Variants in CFAP90 observed in about 807,000 individuals in gnomAD.
CFAP90 encodes cilia and flagella associated protein 90.
the CFAP90 span, among the ~76,000 whole-genome samples, chr5:7,846,085 C>T: frequency 6.6e-6 from 1 of 152,020 alleles, no homozygotes; most frequent in Admixed American, 6.6e-5. Flanking sequence ...ATTGGGCTTA[C>T]TATGTGCTAC....
the CFAP90 span, among the ~76,000 whole-genome samples, chr5:7,846,871 C>T: frequency 6.6e-6 from 1 of 152,194 alleles, no homozygotes; most frequent in South Asian, 2.1e-4. Flanking sequence ...CTCAGCCTCC[C>T]GAGTAGCTGA....
the CFAP90 span, chr5:7,830,525 C>A: frequency 2.6e-5 from 4 of 152,062 alleles, no homozygotes; most frequent in African/African-American, 9.7e-5. Context: ...GTATAATGCA[C>A]CCAAAGGCAT....
At chr5:7,843,813 A>G in the CFAP90 span, among the ~76,000 whole-genome samples, 1 of 152,190 alleles carries the variant, frequency 6.6e-6, no homozygotes. Context: ...GGTGATTTTG[A>G]AAAACTAAGA....
At chr5:7,841,877 G>A in the CFAP90 span, among the ~76,000 whole-genome samples, 2 of 152,132 alleles carry the variant, frequency 1.3e-5, no homozygotes, top group African/African-American at 4.8e-5. Context: ...GTTAATGGAT[G>A]CTGGGCTTAC....
At chr5:7,833,763 T>C in the CFAP90 span, among the ~76,000 whole-genome samples, 2 of 152,220 alleles carry the variant, frequency 1.3e-5, no homozygotes, top group Admixed American at 6.5e-5. Context: ...AAGGTTATAA[T>C]ATTAAGTTGG....
the CFAP90 span, chr5:7,832,073 G>A: frequency 6.6e-5 from 103 of 1,570,200 alleles, no homozygotes; most frequent in East Asian, 1.7e-3. Flanking sequence ...CACTGCATTC[G>A]CCAGCACAGC....
chr5:7,835,521 A>C, the CFAP90 span: 1 of 1,387,578 alleles, frequency 7.2e-7, no homozygotes, highest in African/African-American at 1.4e-5. Flanking sequence ...AGAGAAAGAA[A>C]GCCATGGGTT....
the CFAP90 span, among the ~76,000 whole-genome samples, chr5:7,836,732 C>G: frequency 6.6e-6 from 1 of 152,290 alleles, no homozygotes; most frequent in African/African-American, 2.4e-5. Context: ...CTTCCCATGA[C>G]ATGAATGCAG....
At chr5:7,833,419 C>T in the CFAP90 span, among the ~76,000 whole-genome samples, 1 of 151,932 alleles carries the variant, frequency 6.6e-6, no homozygotes, top group African/African-American at 2.4e-5. Flanking sequence ...TATATGCATG[C>T]ATCTATACAC....
the CFAP90 span, among the ~76,000 whole-genome samples, chr5:7,834,759 C>T: frequency 6.6e-6 from 1 of 152,118 alleles, no homozygotes; most frequent in South Asian, 2.1e-4. Context: ...TTATACATAA[C>T]ACACTGTACA....
At chr5:7,845,166 G>A in the CFAP90 span, among the ~76,000 whole-genome samples, 2 of 152,090 alleles carry the variant, frequency 1.3e-5, no homozygotes, top group Admixed American at 6.5e-5. Flanking sequence ...GATCTCCTGA[G>A]GACTCACTTA....
the CFAP90 span, among the ~76,000 whole-genome samples, chr5:7,850,281 C>T: frequency 1.1e-4 from 17 of 151,926 alleles, no homozygotes; most frequent in East Asian, 3.9e-4. Flanking sequence ...CATCTCCGCA[C>T]GCTCCCACCC....
chr5:7,848,723 T>C, the CFAP90 span, among the ~76,000 whole-genome samples: 10 of 152,200 alleles, frequency 6.6e-5, no homozygotes, highest in African/African-American at 2.4e-4. Context: ...AATTGAATCA[T>C]GGGGGCAGTT....
chr5:7,844,846 G>A, the CFAP90 span, among the ~76,000 whole-genome samples: 1 of 152,168 alleles, frequency 6.6e-6, no homozygotes, highest in Non-Finnish European at 1.5e-5. Flanking sequence ...GACCCATAGA[G>A]GGAGGACCTG....
At chr5:7,848,385 C>G in the CFAP90 span, among the ~76,000 whole-genome samples, 2 of 152,080 alleles carry the variant, frequency 1.3e-5, no homozygotes, top group Non-Finnish European at 2.9e-5. Context: ...CTATCAGATA[C>G]CAGAGATCCT....
the CFAP90 span, among the ~76,000 whole-genome samples, chr5:7,833,141 T>C: frequency 1.3e-5 from 2 of 152,140 alleles, no homozygotes; most frequent in African/African-American, 4.8e-5. Context: ...AAATACACAA[T>C]GACATGACTG....
At chr5:7,839,223 G>A in the CFAP90 span, among the ~76,000 whole-genome samples, 35,214 of 152,138 alleles carry the variant, frequency 0.23, 4,270 homozygotes, top group Middle Eastern at 0.3. Flanking sequence ...TTCCTCCCAC[G>A]ACACATGGGA....
At chr5:7,836,483 C>T in the CFAP90 span, among the ~76,000 whole-genome samples, 11 of 152,114 alleles carry the variant, frequency 7.2e-5, no homozygotes. Flanking sequence ...GCATGGGGGA[C>T]ATCTCAGGGT....
chr5:7,836,201 C>T, the CFAP90 span, among the ~76,000 whole-genome samples: 5 of 152,146 alleles, frequency 3.3e-5, no homozygotes, highest in African/African-American at 1.2e-4. Context: ...CAGACCATAA[C>T]AAAATGACAT....
Sources: gnomAD v4.1 joint callset for allele counts (sites outside exome capture counted in the v4.1 genomes callset) on GRCh38, gnomAD v4.1.1 for gene constraint, MANE v1.5 for transcripts, NCBI Gene and HGNC (gene_info 2026-07-23, HGNC 2026-07-21) for gene names.